Variants in CTIF observed in about 807,000 individuals in gnomAD.
The protein encoded by CTIF is cap binding complex dependent translation initiation factor.
CTIF carries 21 observed loss-of-function variants against 66.0 expected under a neutral mutation model. The observed-to-expected ratio is 0.32, with a 90% CI of 0.23 to 0.46. The LOEUF is 0.46. CTIF is among the 20% of genes least tolerant of loss of function. The pLI is 1.00. For synonymous variants in CTIF, 345 were observed against 326.4 expected, an observed-to-expected ratio of 1.06 and a Z score of -0.62; for missense variants, 739 against 812.7, an observed-to-expected ratio of 0.91 and a Z score of 1.10.
intron 1 of CTIF, among the ~76,000 whole-genome samples, chr18:48,541,621 C>T (rs943681435): frequency 2.0e-5 from 3 of 152,226 alleles, no homozygotes; most frequent in Non-Finnish European, 4.4e-5. Context: ...AGGACACGCT[C>T]AGGTTGTCTG....
At chr18:48,586,633 C>A (rs901388904) in intron 1 of CTIF, among the ~76,000 whole-genome samples, 4 of 152,268 alleles carry the variant, frequency 2.6e-5, no homozygotes, top group Admixed American at 6.5e-5. Context: ...TTAGTCACTG[C>A]GAAGATTTTT....
chr18:48,710,144 A>G (rs2092207860), intron 6 of CTIF, among the ~76,000 whole-genome samples: 1 of 152,202 alleles, frequency 6.6e-6, no homozygotes, highest in Non-Finnish European at 1.5e-5. Flanking sequence ...ACCCTCCTTT[A>G]TGGAACCTGA....
rs768896119 is a variant in CTIF, at chr18:48,860,218, T to G, written c.*659T>G. 23 of 335,892 alleles carry G rather than the reference T, an allele frequency of 6.8e-5. No individual in the cohort carries two copies. Among genetic ancestry groups the G allele is most frequent in the Non-Finnish European group, 1.2e-4 (21 of 168,898 alleles). The allele number at this position is 335,892 out of a possible 1,614,324, so 20.8% of individuals were successfully genotyped here. On this transcript the variant is annotated 3_prime_UTR_variant, in exon 12 of 12. Coordinates refer to ENST00000256413, the MANE Select transcript of CTIF (RefSeq NM_014772.3). ...AGGGGGTCAGGCGCAGCGGGGGAGA[T>G]GGAGTTTGCAGTTCCACTTGCACTC...
At chr18:48,585,327 C>T (rs80217266) in intron 1 of CTIF, among the ~76,000 whole-genome samples, 4,929 of 152,324 alleles carry the variant, frequency 0.032, 106 homozygotes, top group Non-Finnish European at 0.048. Context: ...AAAACATTCA[C>T]CTTTTAGAAA....
chr18:48,685,030 ATTTTT>A (rs35327726), intron 6 of CTIF, among the ~76,000 whole-genome samples: 39 of 133,628 alleles, frequency 2.9e-4, no homozygotes, highest in Non-Finnish European at 4.8e-4. Context: ...GTTTGTTTGT[ATTTTT>A]TTTTTTTTTT....
chr18:48,605,623 C>T (rs1483424801), intron 1 of CTIF, among the ~76,000 whole-genome samples: 5 of 152,334 alleles, frequency 3.3e-5, no homozygotes, highest in Non-Finnish European at 5.9e-5. Flanking sequence ...CTAATTAGAA[C>T]AGCCATCAGG....
chr18:48,671,474 G>C (rs969498306), intron 6 of CTIF, among the ~76,000 whole-genome samples: 3 of 152,098 alleles, frequency 2.0e-5, no homozygotes, highest in Admixed American at 6.5e-5. Flanking sequence ...TTCTTCTCCT[G>C]CTATTTTATC....
intron 1 of CTIF, among the ~76,000 whole-genome samples, chr18:48,585,715 G>A (rs983577911): frequency 2.0e-5 from 3 of 152,190 alleles, no homozygotes; most frequent in African/African-American, 4.8e-5. Context: ...TCCAAGCACT[G>A]CAATATACTC....
At position 48,725,139 on chromosome 18, in the gene CTIF, T is replaced by C. The variant is rs1329884299; in HGVS notation, c.584+13444T>C. ...ACACGTGTTCCAGACTGGCTCTGCA[T>C]GTCAGGGAGCAGATGGCTCGGCCTG... On this transcript the variant is annotated intron_variant, in intron 7 of 11. Transcript: ENST00000256413. 2.0e-5 allele frequency among the ~76,000 whole-genome samples: 3 copies of C among 152,354 alleles called. No homozygotes were observed. In the East Asian group the frequency reaches 5.8e-4, roughly 29 times the overall value.
intron 11 of CTIF, among the ~76,000 whole-genome samples, 183 bp downstream of exon 11, chr18:48,857,824 CTGA>C (rs1182182267): frequency 2.0e-5 from 3 of 152,146 alleles, no homozygotes; most frequent in Non-Finnish European, 4.4e-5. Context: ...AGAGTGAACA[CTGA>C]TGGTGAGAGC....
rs563092369 is a variant in CTIF at position 48,578,578 on chromosome 18, C to T, written c.-29+39266C>T. On this transcript the variant is annotated intron_variant, in intron 1 of 11. Coordinates refer to ENST00000256413, the MANE Select transcript of CTIF (RefSeq NM_014772.3). ...TTTGCATTTCCCTGATGACTAATGA[C>T]GTTGAACATCTTTTCATGTGCTTTT... Among the ~76,000 whole-genome samples, 12 of 152,222 alleles carry T rather than the reference C, an allele frequency of 7.9e-5. No homozygotes were observed. In the South Asian group the frequency reaches 2.3e-3, roughly 29 times the overall value.
At chr18:48,721,940 G>A (rs770632252) in intron 7 of CTIF, among the ~76,000 whole-genome samples, 5 of 152,182 alleles carry the variant, frequency 3.3e-5, no homozygotes, top group African/African-American at 4.8e-5. Context: ...GAGAGAGTGC[G>A]AGGTGAAGAT....
chr18:48,815,492 GTTACTGTT>G (rs2068343603), intron 9 of CTIF, among the ~76,000 whole-genome samples: 1 of 152,230 alleles, frequency 6.6e-6, no homozygotes, highest in African/African-American at 2.4e-5. Flanking sequence ...AGCTGCTGCT[GTTACTGTT>G]TTACATATAA....
intron 3 of CTIF, among the ~76,000 whole-genome samples, chr18:48,661,130 G>A (rs1413652347): frequency 1.3e-5 from 2 of 152,224 alleles, no homozygotes; most frequent in Non-Finnish European, 2.9e-5. Context: ...GGCACAAAGA[G>A]AAAGAGGCAG....
In CTIF at chr18:48,843,005, C is replaced by T. The variant is rs547943157; in HGVS notation, c.1528-14583C>T. Among the ~76,000 whole-genome samples, 23 of 152,264 alleles carry T rather than the reference C, an allele frequency of 1.5e-4. No homozygotes were observed. The South Asian group carries it at 3.9e-3, about 26-fold the overall frequency. Reference sequence around the variant, plus strand: ...GCCCCCTGCCCTACCCTTCTGCTTGCCCGGGGTCCCAGCCTGGTGGATGTC... The same window carrying T: ...GCCCCCTGCCCTACCCTTCTGCTTGTCCGGGGTCCCAGCCTGGTGGATGTC... On this transcript the variant is annotated intron_variant, in intron 10 of 11. Transcript: ENST00000256413.
chr18:48,583,106 C>T (rs2089695755), intron 1 of CTIF, among the ~76,000 whole-genome samples: 1 of 152,128 alleles, frequency 6.6e-6, no homozygotes, highest in Non-Finnish European at 1.5e-5. Context: ...TGCTGGCCTT[C>T]AGGGGGCCAG....
chr18:48,667,794 C>T (rs78346126), intron 5 of CTIF, among the ~76,000 whole-genome samples: 6,958 of 152,276 alleles, frequency 0.046, 204 homozygotes, highest in Non-Finnish European at 0.07. Context: ...ATATCTGGCT[C>T]ACTAGCCAAA....
chr18:48,824,726 C>T (rs951002202), intron 10 of CTIF, among the ~76,000 whole-genome samples: 10 of 151,898 alleles, frequency 6.6e-5, no homozygotes, highest in African/African-American at 2.2e-4. Context: ...CAACCTTCTT[C>T]GCCTCCCGGG....
intron 7 of CTIF, among the ~76,000 whole-genome samples, chr18:48,747,336 A>G (rs1907323547): frequency 6.6e-6 from 1 of 152,222 alleles, no homozygotes; most frequent in South Asian, 2.1e-4. Context: ...GCTCCCCAGT[A>G]GGTTCCTGGC....
Sources: gnomAD v4.1 joint callset for allele counts (sites outside exome capture counted in the v4.1 genomes callset) on GRCh38, gnomAD v4.1.1 for gene constraint, MANE v1.5 for transcripts, NCBI Gene and HGNC (gene_info 2026-07-23, HGNC 2026-07-21) for gene names.